Variants in DCC observed in about 807,000 individuals in gnomAD.
The protein encoded by DCC is DCC netrin 1 receptor, also known as netrin receptor DCC.
DCC carries 58 observed loss-of-function variants against 172.5 expected under a neutral mutation model. The observed-to-expected ratio is 0.34, with a 90% CI of 0.27 to 0.42. DCC has a LOEUF of 0.42. DCC is among the 10% of genes least tolerant of loss of function. The pLI, the probability that DCC is intolerant of heterozygous loss-of-function variation, is 1.00. For missense variants in DCC, 1,740 were observed against 1,791.0 expected (o/e 0.97, Z 0.51); for synonymous variants, 709 against 644.5 (o/e 1.10, Z -1.52).
chr18:53,145,105 C>CTTTTTT lies in DCC; in HGVS notation c.1262-12229_1262-12224dup, dbSNP rs57501246. Among the ~76,000 whole-genome samples, 26 of 36,922 alleles carry CTTTTTT rather than the reference C, an allele frequency of 7.0e-4. 6 individuals are homozygous for CTTTTTT. Among genetic ancestry groups the CTTTTTT allele is most frequent in the East Asian group, 2.3e-3 (2 of 868 alleles). 24.2% of individuals were successfully genotyped at this position (36,922 alleles called of 152,430 possible). ...AGGTGATTAAGCTGTGAGGGCTCTG[C>CTTTTTT]TTTTTTTTTTTTTTTTTTTTTTTTT... On this transcript the variant is annotated intron_variant, in intron 7 of 28. Transcript: ENST00000442544.
chr18:53,323,081 T>A (rs2057430688), intron 14 of DCC, among the ~76,000 whole-genome samples: 1 of 152,168 alleles, frequency 6.6e-6, no homozygotes. Context: ...CCTTAACTGA[T>A]ACATCTGAAA....
intron 15 of DCC, among the ~76,000 whole-genome samples, chr18:53,340,843 G>A (rs899156685): frequency 6.6e-6 from 1 of 152,064 alleles, no homozygotes; most frequent in Non-Finnish European, 1.5e-5. Context: ...GTAGGGGGTG[G>A]GGGGATCTGC....
At chr18:52,692,749 C>A (rs1320813453) in intron 1 of DCC, among the ~76,000 whole-genome samples, 1 of 152,048 alleles carries the variant, frequency 6.6e-6, no homozygotes, top group Non-Finnish European at 1.5e-5. Context: ...CTTTTAGAGG[C>A]TGTTTTTATT....
chr18:52,852,291 T>A (rs933363113), intron 2 of DCC, among the ~76,000 whole-genome samples: 2 of 152,084 alleles, frequency 1.3e-5, no homozygotes, highest in African/African-American at 4.8e-5. Context: ...CATATTACTT[T>A]TTAAGGGTGG....
intron 5 of DCC, among the ~76,000 whole-genome samples, chr18:52,932,605 C>T (rs2040322501): frequency 6.6e-6 from 1 of 151,996 alleles, no homozygotes; most frequent in African/African-American, 2.4e-5. Context: ...CCCTTTAAAG[C>T]AGTTGTGTAG....
intron 1 of DCC, among the ~76,000 whole-genome samples, chr18:52,733,333 T>G (rs1047830554): frequency 6.6e-5 from 10 of 152,126 alleles, no homozygotes; most frequent in African/African-American, 2.2e-4. Flanking sequence ...GACAAGGAAG[T>G]CAATACTTTG....
chr18:52,895,875 C>T (rs1429482015), intron 2 of DCC, among the ~76,000 whole-genome samples: 1 of 152,082 alleles, frequency 6.6e-6, no homozygotes, highest in Non-Finnish European at 1.5e-5. Context: ...ATCTCGGCCT[C>T]CTGGGCTCAA....
intron 7 of DCC, among the ~76,000 whole-genome samples, chr18:53,106,160 T>C (rs2043243802): frequency 6.6e-6 from 1 of 151,924 alleles, no homozygotes; most frequent in African/African-American, 2.4e-5. Context: ...TTGAACTCTT[T>C]GGCAATTGGG....
At chr18:53,255,846 C>G (rs1255666757) in intron 12 of DCC, among the ~76,000 whole-genome samples, 1 of 152,116 alleles carries the variant, frequency 6.6e-6, no homozygotes, top group East Asian at 1.9e-4. Context: ...AAAACTGTTC[C>G]TATTTCTCCA....
chr18:52,678,329 C>G (rs1935696218), intron 1 of DCC, among the ~76,000 whole-genome samples: 2 of 152,144 alleles, frequency 1.3e-5, no homozygotes, highest in South Asian at 4.1e-4. Flanking sequence ...TAGAAATCAG[C>G]CTCATGGTCT....
intron 1 of DCC, among the ~76,000 whole-genome samples, chr18:52,474,003 C>T (rs1025616482): frequency 1.3e-5 from 2 of 151,874 alleles, no homozygotes; most frequent in Non-Finnish European, 2.9e-5. Flanking sequence ...TTTTACTGCT[C>T]CTTCTTCCAG....
chr18:52,934,958 C>T (rs2145510073), intron 5 of DCC: 1 of 152,256 alleles, frequency 6.6e-6, no homozygotes, highest in South Asian at 2.1e-4. Context: ...CTAAGCCACC[C>T]AGTCTGTTGT....
At chr18:52,962,432 A>C (rs1211384427) in intron 5 of DCC, among the ~76,000 whole-genome samples, 1 of 149,384 alleles carries the variant, frequency 6.7e-6, no homozygotes, top group East Asian at 2.0e-4. Flanking sequence ...TTAGAATGGC[A>C]ATCATTAAAA....
chr18:53,021,738 G>T (rs544073010), intron 5 of DCC, among the ~76,000 whole-genome samples: 2 of 152,330 alleles, frequency 1.3e-5, no homozygotes, highest in Admixed American at 6.5e-5. Context: ...CAGAGAGAAA[G>T]AAAGCACGTC....
rs114216153 is a variant in DCC, at chr18:52,379,715, T to C, written c.91+38837T>C. ...GAGTTATTTAGCTTCGGCTTAGTTA[T>C]CAGGTTCCTGGATAATTTAGGGACA... is the stretch of plus-strand genomic sequence containing the variant. On this transcript the variant is annotated intron_variant, in intron 1 of 28. Coordinates refer to ENST00000442544, the MANE Select transcript of DCC (RefSeq NM_005215.4). 5.6e-3 allele frequency among the ~76,000 whole-genome samples: 858 copies of C among 152,148 alleles called. 8 individuals carry two copies. The highest frequency in any genetic ancestry group is 0.02 in the African/African-American group (815 of 41,500).
At chr18:53,374,969 G>C (rs1007535439) in intron 15 of DCC, among the ~76,000 whole-genome samples, 10 of 152,158 alleles carry the variant, frequency 6.6e-5, no homozygotes, top group Non-Finnish European at 1.5e-5. Flanking sequence ...CCTACTTGCT[G>C]TCTTACTCAG....
chr18:53,403,945 CAG>C (rs1909480873), intron 19 of DCC, among the ~76,000 whole-genome samples: 1 of 152,108 alleles, frequency 6.6e-6, no homozygotes, highest in Non-Finnish European at 1.5e-5. Context: ...CAATAGCAAA[CAG>C]AATTTTTATT....
chr18:52,880,502 C>T (rs893426485), intron 2 of DCC, among the ~76,000 whole-genome samples: 3 of 152,144 alleles, frequency 2.0e-5, no homozygotes, highest in Non-Finnish European at 4.4e-5. Flanking sequence ...CCACTTCCCC[C>T]TGAAACCCCT....
intron 26 of DCC, among the ~76,000 whole-genome samples, chr18:53,492,545 C>A (rs982772036): frequency 6.6e-6 from 1 of 152,152 alleles, no homozygotes; most frequent in African/African-American, 2.4e-5. Context: ...TTTCCCAACA[C>A]CATTTATTAA....
Sources: allele counts gnomAD v4.1 joint callset (sites outside exome capture counted in the v4.1 genomes callset), GRCh38; gene constraint gnomAD v4.1.1; transcripts MANE v1.5; gene names NCBI Gene and HGNC (gene_info 2026-07-23, HGNC 2026-07-21).